The following EPC1 variants were observed in gnomAD, a reference collection of about 807,000 sequenced individuals.
EPC1 encodes enhancer of polycomb 1, also known as enhancer of polycomb homolog 1.
A neutral mutation model predicts 98.4 loss-of-function variants in EPC1; 12 were observed. That is an observed-to-expected ratio of 0.12 (90% CI 0.08 to 0.20). The LOEUF (loss-of-function observed/expected upper bound fraction) is 0.20, where lower values mean the gene tolerates loss of function less well. EPC1 is among the 10% of genes least tolerant of loss of function. The pLI, the probability that EPC1 is intolerant of heterozygous loss-of-function variation, is 1.00. For synonymous variants in EPC1, 357 were observed against 363.9 expected (o/e 0.98, Z 0.21); for missense variants, 729 against 990.5 (o/e 0.74, Z 3.54).
At chr10:32,298,193 T>G (rs1041526981) in intron 2 of EPC1, among the ~76,000 whole-genome samples, 4 of 152,216 alleles carry the variant, frequency 2.6e-5, no homozygotes, top group African/African-American at 9.6e-5. Flanking sequence ...GTATTTGACA[T>G]CTTTGCCTTA....
At chr10:32,335,631 T>G (rs1428732019) in intron 1 of EPC1, among the ~76,000 whole-genome samples, 1 of 152,134 alleles carries the variant, frequency 6.6e-6, no homozygotes, top group Non-Finnish European at 1.5e-5. Flanking sequence ...AGCATCACTC[T>G]CTCCCTAAAG....
chr10:32,325,524 T>C (rs1371463915), intron 1 of EPC1, among the ~76,000 whole-genome samples: 1 of 152,226 alleles, frequency 6.6e-6, no homozygotes, highest in Non-Finnish European at 1.5e-5. Flanking sequence ...TCTTTTCTTG[T>C]AAAGGTTCTG....
chr10:32,271,487 G>C, intron 13 of EPC1, 67 bp downstream of exon 13: 3 of 1,505,608 alleles, frequency 2.0e-6, no homozygotes, highest in African/African-American at 1.4e-5. Context: ...AATAGGTAAA[G>C]AACGATGCTG....
intron 1 of EPC1, among the ~76,000 whole-genome samples, chr10:32,315,260 A>C (rs1293079689): frequency 1.3e-5 from 2 of 152,250 alleles, no homozygotes; most frequent in Non-Finnish European, 2.9e-5. Flanking sequence ...AAAGATGAAA[A>C]GGATCAACCT....
At chr10:32,289,008 G>A (rs189791807) in intron 6 of EPC1, among the ~76,000 whole-genome samples, 1 of 152,050 alleles carries the variant, frequency 6.6e-6, no homozygotes, top group African/African-American at 2.4e-5. Context: ...AGAATCGCTT[G>A]AACCCAGGAG....
At chr10:32,353,540 C>G (rs1184742607) in intron 1 of EPC1, among the ~76,000 whole-genome samples, 1 of 152,128 alleles carries the variant, frequency 6.6e-6, no homozygotes, top group African/African-American at 2.4e-5. Flanking sequence ...CCGGATTCCT[C>G]ATTTCTTCAA....
rs372782807 is a variant in EPC1, at chr10:32,356,469, T to A, written c.3+22022A>T. ...TGGAGCCCTGGGGAATACCAACATC[T>A]AGAAGATACCCAGGACAAGAACAGA... On this transcript the variant is annotated intron_variant, in intron 1 of 13. Coordinates refer to the EPC1 transcript ENST00000375110. Among the ~76,000 whole-genome samples the A allele has an allele frequency of 5.9e-5, 9 of 151,738 alleles. No individual in the cohort carries two copies. In the East Asian group the frequency reaches 9.7e-4, roughly 16 times the overall value.
At chr10:32,357,753 C>G (rs187444937) in intron 1 of EPC1, among the ~76,000 whole-genome samples, 7 of 152,206 alleles carry the variant, frequency 4.6e-5, no homozygotes, top group East Asian at 3.9e-4. Flanking sequence ...ATTCACCATG[C>G]CTGGCCCCAT....
chr10:32,341,730 G>C (rs974670556), intron 1 of EPC1, among the ~76,000 whole-genome samples: 1 of 152,176 alleles, frequency 6.6e-6, no homozygotes, highest in African/African-American at 2.4e-5. Context: ...AGAATCCTTA[G>C]TCTCTTCCTG....
chr10:32,273,392 C>T (rs1835931862), intron 10 of EPC1, 111 bp from the exon 11 acceptor site: 1 of 1,345,236 alleles, frequency 7.4e-7, no homozygotes, highest in African/African-American at 1.5e-5. Context: ...AAGCATCTGA[C>T]AAAGGATCAT....
intron 1 of EPC1, among the ~76,000 whole-genome samples, chr10:32,344,140 G>C (rs1411844434): frequency 6.6e-6 from 1 of 151,880 alleles, no homozygotes; most frequent in Non-Finnish European, 1.5e-5. Flanking sequence ...CAAAAAGTTT[G>C]TTTTTCTATG....
At chr10:32,378,526 A>G in exon 1 of EPC1, 1 of 1,530,764 alleles carries the variant, frequency 6.5e-7, no homozygotes, top group East Asian at 2.5e-5. Flanking sequence ...AGTTCTTGAA[A>G]AAAAATTGTA....
intron 1 of EPC1, among the ~76,000 whole-genome samples, chr10:32,323,162 ACTT>A (rs1277217459): frequency 5.3e-5 from 8 of 152,202 alleles, no homozygotes; most frequent in African/African-American, 9.6e-5. Context: ...TATACAATGT[ACTT>A]CTTCTTATTC....
chr10:32,300,237 AT>A (rs1428343956), intron 2 of EPC1, among the ~76,000 whole-genome samples: 1 of 151,008 alleles, frequency 6.6e-6, no homozygotes, highest in Admixed American at 6.6e-5. Context: ...TAACTCTAGC[AT>A]TTTTTTTAAA....
chr10:32,286,885 G>A (rs1464001045), intron 8 of EPC1, 41 bp downstream of exon 8: 2 of 1,610,106 alleles, frequency 1.2e-6, no homozygotes, highest in Admixed American at 1.7e-5. Flanking sequence ...GTCAGTTAAA[G>A]GTAAATAGTT....
At chr10:32,317,972 A>G (rs1036962689) in intron 1 of EPC1, among the ~76,000 whole-genome samples, 2 of 152,194 alleles carry the variant, frequency 1.3e-5, no homozygotes, top group African/African-American at 4.8e-5. Context: ...GAGTAGCACA[A>G]TAACAGGTGG....
At chr10:32,288,207 CAA>C (rs970817701) in intron 6 of EPC1, among the ~76,000 whole-genome samples, 2 of 151,638 alleles carry the variant, frequency 1.3e-5, no homozygotes, top group Non-Finnish European at 2.9e-5. Context: ...ACAGGATAAT[CAA>C]ATCAAAAGTT....
chr10:32,329,015 T>A (rs1837479709), intron 1 of EPC1, among the ~76,000 whole-genome samples: 1 of 151,730 alleles, frequency 6.6e-6, no homozygotes, highest in South Asian at 2.1e-4. Context: ...GGGAGAGGAG[T>A]GTATTTTCTC....
intron 1 of EPC1, among the ~76,000 whole-genome samples, chr10:32,337,857 A>T (rs1302523042): frequency 1.3e-5 from 2 of 152,154 alleles, no homozygotes; most frequent in African/African-American, 2.4e-5. Flanking sequence ...TGCCAATGGC[A>T]CATATCTAAT....
Sources: allele counts gnomAD v4.1 joint callset (sites outside exome capture counted in the v4.1 genomes callset), GRCh38; gene constraint gnomAD v4.1.1; transcripts MANE v1.5; gene names NCBI Gene and HGNC (gene_info 2026-07-23, HGNC 2026-07-21).